Variants in CWH43 observed in about 807,000 individuals in gnomAD.
CWH43 encodes the protein PGAP2-interacting protein.
CWH43 carries 91 observed loss-of-function variants against 85.7 expected under a neutral mutation model. The observed-to-expected ratio is 1.06, with a 90% CI of 0.90 to 1.26. The LOEUF is 1.26. Ranked by LOEUF, CWH43 falls within the 50% of genes most tolerant of loss-of-function variation. The pLI, the probability that CWH43 is intolerant of heterozygous loss-of-function variation, is 0.00. For missense variants in CWH43, 869 were observed against 839.2 expected (o/e 1.04, Z -0.44); for synonymous variants, 323 against 293.6 (o/e 1.10, Z -1.02).
At chr4:49,045,796 C>G (rs1784605601) in intron 14 of CWH43, among the ~76,000 whole-genome samples, 1 of 151,776 alleles carries the variant, frequency 6.6e-6, no homozygotes, top group South Asian at 2.1e-4. Context: ...TGTGGTATTC[C>G]AATACTTGTA....
intron 6 of CWH43, 67 bp downstream of exon 6, chr4:48,998,615 C>A: frequency 8.9e-7 from 1 of 1,118,806 alleles, no homozygotes; most frequent in Non-Finnish European, 1.4e-6. Context: ...TGCAAGCATG[C>A]GCAACTCGAC....
chr4:49,018,463 A>C (rs1454250945), intron 9 of CWH43, among the ~76,000 whole-genome samples: 1 of 152,242 alleles, frequency 6.6e-6, no homozygotes, highest in Non-Finnish European at 1.5e-5. Context: ...GAGATTCTTT[A>C]GGAAAACTCT....
intron 15 of CWH43, among the ~76,000 whole-genome samples, chr4:49,056,667 T>C (rs1784975236): frequency 6.6e-6 from 1 of 152,028 alleles, no homozygotes; most frequent in Non-Finnish European, 1.5e-5. Flanking sequence ...ATTATTTTTT[T>C]CTCTAATATT....
At chr4:48,989,266 A>C (rs773165007) in intron 2 of CWH43, among the ~76,000 whole-genome samples, 2 of 152,238 alleles carry the variant, frequency 1.3e-5, no homozygotes, top group African/African-American at 4.8e-5. Context: ...AATCATACAC[A>C]TACAGATATG....
Position 49,000,337 on chromosome 4 carries a change from G to A in CWH43, c.802+1789G>A, listed in dbSNP as rs114323477. Reference sequence around the variant, plus strand: ...GGTTGGCCAGGTCCTCTTCCTCCTGGAGCTATGTGAACATACTGTTGCAGT... The same window carrying A: ...GGTTGGCCAGGTCCTCTTCCTCCTGAAGCTATGTGAACATACTGTTGCAGT... On this transcript the variant is annotated intron_variant, in intron 6 of 15. Coordinates refer to ENST00000226432, the MANE Select transcript of CWH43 (RefSeq NM_025087.3). Among the ~76,000 whole-genome samples the A allele has an allele frequency of 2.9e-3, 442 of 152,282 alleles. 1 individual carries two copies. The highest frequency in any genetic ancestry group is 0.01 in the African/African-American group (423 of 41,566).
chr4:49,049,630 C>G (rs966624421), intron 14 of CWH43, among the ~76,000 whole-genome samples: 4 of 152,152 alleles, frequency 2.6e-5, no homozygotes, highest in Non-Finnish European at 5.9e-5. Flanking sequence ...GCACTTCACT[C>G]CGGTCATGGT....
Position 49,037,942 on chromosome 4 carries a change from T to C in CWH43, c.1659-94T>C, listed in dbSNP as rs79328539. The C allele has an allele frequency of 7.6e-3, 8,004 of 1,055,622 alleles. 441 individuals carry two copies. In the African/African-American group the frequency reaches 0.12, roughly 15 times the overall value. 65.4% of individuals were successfully genotyped at this position (1,055,622 alleles called of 1,614,324 possible). A position where few individuals can be genotyped will look rare whatever the true frequency, so the allele number is the denominator to read the frequency against. On this transcript the variant is annotated intron_variant, in intron 12 of 15. Transcript: ENST00000226432. ...TAGGAATGACTCTGGGCTTCTTCACTATATGCAGATAGTCTTTGGCAACTT... is the reference window on the plus strand; with the variant it reads ...TAGGAATGACTCTGGGCTTCTTCACCATATGCAGATAGTCTTTGGCAACTT...
At chr4:49,033,025 C>G (rs1294230731) in intron 12 of CWH43, among the ~76,000 whole-genome samples, 1 of 152,080 alleles carries the variant, frequency 6.6e-6, no homozygotes, top group African/African-American at 2.4e-5. Flanking sequence ...ACTCTTAGAG[C>G]CCCGTTTTGC....
At chr4:49,035,227 A>C (rs1157013174) in intron 12 of CWH43, among the ~76,000 whole-genome samples, 1 of 152,228 alleles carries the variant, frequency 6.6e-6, no homozygotes, top group South Asian at 2.1e-4. Context: ...TATGGCATAT[A>C]AATGTGAAAA....
At chr4:49,028,553 G>A (rs1783991900) in intron 9 of CWH43, 76 bp from the exon 10 acceptor site, 2 of 874,892 alleles carry the variant, frequency 2.3e-6, no homozygotes, top group Non-Finnish European at 3.7e-6. Flanking sequence ...TTGGTAGAGA[G>A]GAGTGGAGAA....
chr4:49,057,451 A>G (rs1785003440), intron 15 of CWH43, among the ~76,000 whole-genome samples: 2 of 152,356 alleles, frequency 1.3e-5, no homozygotes, highest in South Asian at 4.1e-4. Flanking sequence ...CTCAGTGAGC[A>G]GAGGGATGAC....
At chr4:49,020,798 C>T (rs1783729122) in intron 9 of CWH43, among the ~76,000 whole-genome samples, 1 of 152,064 alleles carries the variant, frequency 6.6e-6, no homozygotes, top group Admixed American at 6.6e-5. Context: ...CAGGCATTTC[C>T]CTGATCATTA....
intron 15 of CWH43, among the ~76,000 whole-genome samples, chr4:49,058,650 C>T (rs1325304411): frequency 6.6e-6 from 1 of 152,206 alleles, no homozygotes; most frequent in Non-Finnish European, 1.5e-5. Context: ...TAAAGTGCAT[C>T]TAATGATGAT....
At chr4:49,030,577 T>C (rs1250133926) in intron 10 of CWH43, among the ~76,000 whole-genome samples, 1 of 152,236 alleles carries the variant, frequency 6.6e-6, no homozygotes. Flanking sequence ...GTTGAGCACA[T>C]TTGAAAATTT....
chr4:49,027,204 G>T (rs774049731), intron 9 of CWH43, among the ~76,000 whole-genome samples: 1 of 152,214 alleles, frequency 6.6e-6, no homozygotes, highest in Non-Finnish European at 1.5e-5. Flanking sequence ...AATGGAAGTA[G>T]AGTTGGAGAT....
In CWH43 at chr4:48,994,774, G is replaced by A; in HGVS notation, c.667G>A (p.Ala223Thr). The stretch of plus-strand genomic sequence containing the variant: ...AGAAGTCTCTCTTGTTTCCAGATGG[G>A]CAGTGAGTGGGCATCCACATCCAGG... ...FGEVSLVSRW[A>T]VSGHPHPGPD... Residue 223 changes from alanine to threonine, a missense_variant, in exon 5 of 16, where the codon GCA becomes ACA. Ala to Thr is a moderately conservative substitution (Grantham distance 58). Coordinates refer to ENST00000226432, the MANE Select transcript of CWH43 (RefSeq NM_025087.3). The A allele has an allele frequency of 2.5e-6, 4 of 1,614,000 alleles. No homozygotes were observed. Among genetic ancestry groups the A allele is most frequent in the South Asian group, 1.1e-5 (1 of 91,026 alleles).
chr4:49,000,301 TA>T (rs1782950330), intron 6 of CWH43, among the ~76,000 whole-genome samples: 2 of 152,212 alleles, frequency 1.3e-5, no homozygotes, highest in Admixed American at 1.3e-4. Flanking sequence ...GATACGTGGC[TA>T]AATCGATGAG....
At chr4:49,022,851 G>A (rs1395794072) in intron 9 of CWH43, among the ~76,000 whole-genome samples, 1 of 152,072 alleles carries the variant, frequency 6.6e-6, no homozygotes, top group Non-Finnish European at 1.5e-5. Context: ...GTTCATGGTA[G>A]CATTGAATGA....
At chr4:49,017,073 A>T in intron 8 of CWH43, 176 bp from the exon 9 acceptor site, 1 of 734,128 alleles carries the variant, frequency 1.4e-6, no homozygotes, top group Non-Finnish European at 2.5e-6. Flanking sequence ...GGTCACGTTC[A>T]GTGTCAATGA....
Sources: allele counts gnomAD v4.1 joint callset (sites outside exome capture counted in the v4.1 genomes callset), GRCh38; gene constraint gnomAD v4.1.1; transcripts MANE v1.5; gene names NCBI Gene and HGNC (gene_info 2026-07-23, HGNC 2026-07-21).